DLG2: variants seen among roughly 807,000 people sequenced by gnomAD.
DLG2 encodes disks large homolog 2.
A neutral mutation model predicts 132.5 loss-of-function variants in DLG2; 45 were observed. That is an observed-to-expected ratio of 0.34 (90% CI 0.27 to 0.44). The LOEUF (loss-of-function observed/expected upper bound fraction) is 0.44. Ranked by LOEUF, DLG2 falls within the 20% of genes least tolerant of loss-of-function variation. The pLI, the probability that DLG2 is intolerant of heterozygous loss-of-function variation, is 1.00. For synonymous variants in DLG2, 424 were observed against 419.6 expected (o/e 1.01, Z -0.13); for missense variants, 1,045 against 1,196.9 (o/e 0.87, Z 1.87).
intron 2 of DLG2, among the ~76,000 whole-genome samples, chr11:85,614,753 C>T (rs2081233109): frequency 6.6e-6 from 1 of 152,172 alleles, no homozygotes; most frequent in South Asian, 2.1e-4. Flanking sequence ...GCACTGATCA[C>T]CTTATTTAAT....
chr11:84,308,063 C>T (rs1281979832), intron 7 of DLG2, among the ~76,000 whole-genome samples: 2 of 152,268 alleles, frequency 1.3e-5, no homozygotes, highest in Admixed American at 6.5e-5. Flanking sequence ...GCCCCCACAA[C>T]GCAGAAGTAG....
intron 5 of DLG2, among the ~76,000 whole-genome samples, chr11:85,141,953 T>C (rs1269182563): frequency 6.6e-6 from 1 of 151,960 alleles, no homozygotes; most frequent in Non-Finnish European, 1.5e-5. Context: ...GTTTGGATAC[T>C]ATAGCTCTGT....
At chr11:85,462,020 C>G (rs941000625) in intron 3 of DLG2, among the ~76,000 whole-genome samples, 2 of 152,204 alleles carry the variant, frequency 1.3e-5, no homozygotes, top group African/African-American at 4.8e-5. Flanking sequence ...CAAAAGAAGA[C>G]ATTTATGCAG....
intron 18 of DLG2, among the ~76,000 whole-genome samples, chr11:83,689,975 T>TTATAATAC (rs2080633491): frequency 7.0e-6 from 1 of 143,878 alleles, no homozygotes; most frequent in African/African-American, 2.5e-5. Context: ...TATATTTATA[T>TTATAATAC]TATAATATAT....
intron 18 of DLG2, among the ~76,000 whole-genome samples, chr11:83,707,064 T>C (rs1334044472): frequency 2.0e-5 from 3 of 152,204 alleles, no homozygotes; most frequent in Non-Finnish European, 4.4e-5. Context: ...TCTCTATTTA[T>C]ATATACTTTT....
intron 4 of DLG2, among the ~76,000 whole-genome samples, chr11:85,241,050 T>G (rs1249269401): frequency 6.6e-6 from 1 of 151,788 alleles, no homozygotes; most frequent in Non-Finnish European, 1.5e-5. Context: ...CATGATTTTA[T>G]TTATTTAGAT....
rs529140462 is a variant in DLG2, at chr11:83,557,883, G to A, written c.1941-16025C>T. 3.9e-5 allele frequency among the ~76,000 whole-genome samples: 6 copies of A among 152,202 alleles called. No homozygotes were observed. The South Asian group carries it at 1.0e-3, about 26-fold the overall frequency. On this transcript the variant is annotated intron_variant, in intron 19 of 27. Transcript: ENST00000376104. ...AAGGCAGACTGTTTGTCAAGGAAGA[G>A]GCTCATTGCCTAGGACAGATTTAGA... is the stretch of plus-strand genomic sequence containing the variant.
intron 16 of DLG2, among the ~76,000 whole-genome samples, chr11:83,836,177 C>T (rs2056117347): frequency 6.6e-6 from 1 of 152,142 alleles, no homozygotes; most frequent in South Asian, 2.1e-4. Flanking sequence ...TTATTCTATT[C>T]AGGCCTTCAG....
intron 6 of DLG2, among the ~76,000 whole-genome samples, chr11:84,983,936 C>T (rs1391047842): frequency 6.6e-6 from 1 of 151,968 alleles, no homozygotes; most frequent in East Asian, 1.9e-4. Context: ...TTAACCCAAT[C>T]CAACAAAGAC....
At chr11:84,874,987 C>G (rs1227952290) in intron 6 of DLG2, among the ~76,000 whole-genome samples, 1 of 149,444 alleles carries the variant, frequency 6.7e-6, no homozygotes, top group Non-Finnish European at 1.5e-5. Flanking sequence ...ACCACTGTAC[C>G]CCAGCCTGGG....
intron 6 of DLG2, among the ~76,000 whole-genome samples, chr11:85,076,111 T>C (rs970833908): frequency 6.6e-6 from 1 of 151,926 alleles, no homozygotes; most frequent in African/African-American, 2.4e-5. Context: ...ATTTTTACCA[T>C]GTGTCAGAAA....
intron 9 of DLG2, among the ~76,000 whole-genome samples, chr11:84,144,274 C>T (rs2094979210): frequency 2.0e-5 from 3 of 152,106 alleles, no homozygotes; most frequent in Admixed American, 6.6e-5. Context: ...AGCCTGTTTT[C>T]TTACCTTCAT....
At chr11:84,326,410 T>C (rs1270961512) in intron 7 of DLG2, among the ~76,000 whole-genome samples, 1 of 152,122 alleles carries the variant, frequency 6.6e-6, no homozygotes, top group Non-Finnish European at 1.5e-5. Context: ...ATCCCATAAG[T>C]TTTGGTATGC....
At chr11:83,896,237 G>C (rs2071640386) in intron 15 of DLG2, among the ~76,000 whole-genome samples, 1 of 152,190 alleles carries the variant, frequency 6.6e-6, no homozygotes, top group Non-Finnish European at 1.5e-5. Context: ...ATTCTGCTCT[G>C]CTCCAATAAA....
At chr11:84,935,578 G>A (rs982180294) in intron 6 of DLG2, among the ~76,000 whole-genome samples, 3 of 152,156 alleles carry the variant, frequency 2.0e-5, no homozygotes, top group African/African-American at 7.2e-5. Context: ...TCAACCAGGA[G>A]TAATCTCACC....
intron 6 of DLG2, among the ~76,000 whole-genome samples, chr11:84,889,977 A>T (rs1255758949): frequency 1.3e-5 from 2 of 152,228 alleles, no homozygotes; most frequent in African/African-American, 4.8e-5. Context: ...CTCATAGTCA[A>T]ATAATAGTTC....
intron 15 of DLG2, among the ~76,000 whole-genome samples, chr11:83,903,060 G>A (rs1423487923): frequency 1.3e-5 from 2 of 152,082 alleles, no homozygotes; most frequent in African/African-American, 4.8e-5. Flanking sequence ...TTCTGGATGA[G>A]AAATGTGTTA....
intron 3 of DLG2, among the ~76,000 whole-genome samples, chr11:85,595,786 T>C (rs1030498439): frequency 1.6e-4 from 24 of 152,200 alleles, no homozygotes; most frequent in African/African-American, 5.8e-4. Context: ...TACTTTATTT[T>C]CAAAAATATT....
intron 6 of DLG2, among the ~76,000 whole-genome samples, chr11:85,065,861 A>G (rs182927700): frequency 6.6e-6 from 1 of 151,598 alleles, no homozygotes. Flanking sequence ...CTATGTAAAA[A>G]AAATAGAAAG....
Sources: allele counts gnomAD v4.1 joint callset (sites outside exome capture counted in the v4.1 genomes callset), GRCh38; gene constraint gnomAD v4.1.1; transcripts MANE v1.5; gene names NCBI Gene and HGNC (gene_info 2026-07-23, HGNC 2026-07-21).